The following SASH1 variants were observed in gnomAD, a reference collection of about 807,000 sequenced individuals.
SASH1 encodes the protein SAM and SH3 domain containing 1.
In SASH1, 44 loss-of-function variants were observed where a neutral mutation model predicts 125.2. The ratio of observed to expected loss-of-function variants is 0.35; its 90% confidence interval spans 0.28 to 0.45. The LOEUF is 0.45. Among genes scored for constraint, SASH1 ranks in the 20% least tolerant of loss-of-function variants. The pLI, the probability that SASH1 is intolerant of heterozygous loss-of-function variation, is 1.00. For missense variants in SASH1, 1,426 were observed against 1,614.5 expected, an observed-to-expected ratio of 0.88 and a Z score of 2.00; for synonymous variants, 639 against 649.1, an observed-to-expected ratio of 0.98 and a Z score of 0.24.
the SASH1 span, among the ~76,000 whole-genome samples, chr6:148,220,164 C>G: frequency 2.0e-5 from 3 of 152,152 alleles, no homozygotes; most frequent in African/African-American, 4.8e-5. Context: ...TTACTTCTCA[C>G]AGCTCTGGAA....
chr6:148,468,629 A>G (rs749157262), intron 5 of SASH1, 44 bp downstream of exon 5: 13 of 1,283,326 alleles, frequency 1.0e-5, no homozygotes, highest in Middle Eastern at 1.9e-4. Flanking sequence ...TTATTTCAAT[A>G]CTTTATAGAA....
chr6:148,512,599 T>G, intron 8 of SASH1: 1 of 984,898 alleles, frequency 1.0e-6, no homozygotes, highest in Non-Finnish European at 1.2e-6. Flanking sequence ...CAAAACCATT[T>G]TGTATTATGA....
the SASH1 span, among the ~76,000 whole-genome samples, chr6:148,239,635 T>G: frequency 6.6e-6 from 1 of 152,004 alleles, no homozygotes; most frequent in Non-Finnish European, 1.5e-5. Context: ...GTCTTTCTTG[T>G]TTTTAGTTCT....
upstream of SASH1, among the ~76,000 whole-genome samples, chr6:148,269,576 TA>T (rs907465751): frequency 3.3e-5 from 5 of 152,228 alleles, no homozygotes; most frequent in African/African-American, 7.2e-5. Flanking sequence ...TGTAATTTTT[TA>T]TACTTTCCTG....
chr6:148,389,002 GAATT>G (rs1369373794), intron 1 of SASH1, among the ~76,000 whole-genome samples: 2 of 151,790 alleles, frequency 1.3e-5, no homozygotes, highest in African/African-American at 4.8e-5. Flanking sequence ...CTTTCTGAAT[GAATT>G]GATAGAAGAA....
the SASH1 span, among the ~76,000 whole-genome samples, chr6:148,239,680 T>C: frequency 6.7e-6 from 1 of 149,920 alleles, no homozygotes; most frequent in East Asian, 2.0e-4. Flanking sequence ...CTAATCAATG[T>C]CTCAGCCATG....
chr6:148,387,538 CT>C (rs1562370714), intron 1 of SASH1, among the ~76,000 whole-genome samples: 1 of 138,704 alleles, frequency 7.2e-6, no homozygotes, highest in East Asian at 2.1e-4. Flanking sequence ...TTTCTTCTTT[CT>C]TTCTTTTCTT....
rs1051317343 is a variant in SASH1 at position 148,529,007 on chromosome 6, G to A, written c.1428+1411G>A. ...ACAGCGTGCAACCTAGATGCCTCGT[G>A]TGCACAATTCACAATAGGATTCGTG... On this transcript the variant is annotated intron_variant, in intron 12 of 19. Coordinates refer to ENST00000367467, the MANE Select transcript of SASH1 (RefSeq NM_015278.5). The surrounding 1 kb of genome is among the most constrained non-coding windows in gnomAD (Gnocchi z 4.2). Among the ~76,000 whole-genome samples, 4 of 152,120 alleles carry A rather than the reference G, an allele frequency of 2.6e-5. 1 individual carries two copies. The highest frequency in any genetic ancestry group is 6.6e-5 in the Admixed American group (1 of 15,260).
chr6:148,518,302 C>T (rs535724732), intron 9 of SASH1, among the ~76,000 whole-genome samples: 5 of 152,186 alleles, frequency 3.3e-5, no homozygotes, highest in Non-Finnish European at 7.3e-5. Context: ...TTCTTTTCCA[C>T]TTTCCAGCTT....
intron 7 of SASH1, chr6:148,479,235 G>A (rs574323561): frequency 1.5e-4 from 23 of 152,394 alleles, no homozygotes; most frequent in Middle Eastern, 3.3e-3. Flanking sequence ...TTTTAGTAGA[G>A]ATGGGGTTTT....
At chr6:148,442,665 A>G (rs967443192) in intron 4 of SASH1, among the ~76,000 whole-genome samples, 8 of 152,192 alleles carry the variant, frequency 5.3e-5, no homozygotes, top group African/African-American at 1.7e-4. Flanking sequence ...GGACAATGAC[A>G]TTCTGTTACA....
intron 16 of SASH1, among the ~76,000 whole-genome samples, chr6:148,536,624 G>A (rs1263728460): frequency 6.6e-6 from 1 of 152,202 alleles, no homozygotes; most frequent in Non-Finnish European, 1.5e-5. Context: ...ACAGGTGTGA[G>A]CCACTGCATC....
intron 16 of SASH1, among the ~76,000 whole-genome samples, chr6:148,535,131 T>C (rs1356881697): frequency 1.3e-5 from 2 of 152,256 alleles, no homozygotes; most frequent in African/African-American, 2.4e-5. Context: ...GAGTCACTTA[T>C]TCTGTCCTGT....
At chr6:148,343,940 A>G (rs773052298) in intron 1 of SASH1, among the ~76,000 whole-genome samples, 1 of 152,188 alleles carries the variant, frequency 6.6e-6, no homozygotes, top group Non-Finnish European at 1.5e-5. Context: ...CTGGAATCAG[A>G]TGGGCGAGGT....
chr6:148,478,082 G>C (rs1583223799), intron 7 of SASH1, among the ~76,000 whole-genome samples: 1 of 152,140 alleles, frequency 6.6e-6, no homozygotes, highest in Non-Finnish European at 1.5e-5. Context: ...TTGTTGATGG[G>C]AATGTAAATT....
chr6:148,263,466 T>C, the SASH1 span, among the ~76,000 whole-genome samples: 2 of 152,328 alleles, frequency 1.3e-5, no homozygotes, highest in Middle Eastern at 3.4e-3. Flanking sequence ...CTGTGCCTCA[T>C]TGATAATGTA....
chr6:148,197,378 T>C, the SASH1 span, among the ~76,000 whole-genome samples: 1 of 152,216 alleles, frequency 6.6e-6, no homozygotes, highest in African/African-American at 2.4e-5. Context: ...CAGTCTATTT[T>C]TGCTCAGGAT....
chr6:148,221,087 A>G, the SASH1 span, among the ~76,000 whole-genome samples: 500 of 152,038 alleles, frequency 3.3e-3, 3 homozygotes, highest in African/African-American at 0.012. Flanking sequence ...TGTTCATTCC[A>G]TTTTTACATT....
At position 148,533,090 on chromosome 6, in the gene SASH1, C is replaced by T; in HGVS notation, c.1734+124C>T. On this transcript the variant is annotated intron_variant, in intron 14 of 19. Transcript: ENST00000367467. This position sits in a 1 kb window ranked among gnomAD's most constrained non-coding sequence, Gnocchi z 6.2. ...ACAGACTGGACAGTATCTTGGCTAC[C>T]TCGATCACTGGTCTCCTCTGTAGTG... The T allele has an allele frequency of 1.9e-6, 2 of 1,051,856 alleles. No individual in the cohort carries two copies. The highest frequency in any genetic ancestry group is 1.5e-5 in the South Asian group (1 of 66,864). 65.2% of individuals were successfully genotyped at this position (1,051,856 alleles called of 1,614,324 possible). A position where few individuals can be genotyped will look rare whatever the true frequency, so the allele number is the denominator to read the frequency against.
Sources: gnomAD v4.1 joint callset for allele counts (sites outside exome capture counted in the v4.1 genomes callset) on GRCh38, gnomAD v4.1.1 for gene constraint, Gnocchi (gnomAD v3.1) non-coding constraint, MANE v1.5 for transcripts, NCBI Gene and HGNC (gene_info 2026-07-23, HGNC 2026-07-21) for gene names.